The following XRCC4 variants were observed in gnomAD, a reference collection of about 807,000 sequenced individuals.
XRCC4 encodes X-ray repair cross complementing 4.
XRCC4 carries 28 observed loss-of-function variants against 39.1 expected under a neutral mutation model. The observed-to-expected ratio is 0.72, with a 90% CI of 0.53 to 0.98. The LOEUF (loss-of-function observed/expected upper bound fraction) is 0.98, where lower values mean the gene tolerates loss of function less well. Among genes scored for constraint, XRCC4 ranks in the 50% least tolerant of loss-of-function variants. XRCC4 has a pLI of 0.00. For synonymous variants in XRCC4, 123 were observed against 126.4 expected (o/e 0.97, Z 0.18); for missense variants, 350 against 376.4 (o/e 0.93, Z 0.58).
intron 7 of XRCC4, among the ~76,000 whole-genome samples, chr5:83,323,813 A>T (rs1407079100): frequency 6.6e-6 from 1 of 152,086 alleles, no homozygotes; most frequent in Non-Finnish European, 1.5e-5. Flanking sequence ...TCACTATTTG[A>T]GGAAGAGAGA....
At chr5:83,277,499 C>T (rs968790614) in intron 7 of XRCC4, among the ~76,000 whole-genome samples, 7 of 152,308 alleles carry the variant, frequency 4.6e-5, no homozygotes, top group African/African-American at 1.7e-4. Context: ...TTTGTCATTT[C>T]AATCCACTGA....
intron 7 of XRCC4, among the ~76,000 whole-genome samples, chr5:83,283,975 A>G (rs1754642288): frequency 6.8e-6 from 1 of 147,258 alleles, no homozygotes; most frequent in South Asian, 2.3e-4. Flanking sequence ...AGTATGAGGT[A>G]ATGTGTTTCA....
intron 7 of XRCC4, among the ~76,000 whole-genome samples, chr5:83,288,699 C>T (rs1754816467): frequency 6.6e-6 from 1 of 151,750 alleles, no homozygotes; most frequent in South Asian, 2.1e-4. Context: ...CCTCTGGCTT[C>T]TTTCAACATT....
intron 6 of XRCC4, among the ~76,000 whole-genome samples, chr5:83,221,139 T>C (rs1752070174): frequency 6.6e-6 from 1 of 152,184 alleles, no homozygotes; most frequent in Admixed American, 6.5e-5. Context: ...ATTCTAATTC[T>C]CCTACTAACA....
chr5:83,085,312 G>A (rs1316959928), intron 1 of XRCC4, among the ~76,000 whole-genome samples: 1 of 152,044 alleles, frequency 6.6e-6, no homozygotes, highest in Non-Finnish European at 1.5e-5. Flanking sequence ...ATTTACCATA[G>A]AATTTGGAAG....
chr5:83,115,339 A>G (rs1746658899), intron 3 of XRCC4, among the ~76,000 whole-genome samples: 1 of 152,228 alleles, frequency 6.6e-6, no homozygotes, highest in African/African-American at 2.4e-5. Flanking sequence ...AGGCAGGAGA[A>G]TGGCTTGAAC....
At chr5:83,263,207 G>A (rs1398408214) in intron 7 of XRCC4, among the ~76,000 whole-genome samples, 1 of 151,076 alleles carries the variant, frequency 6.6e-6, no homozygotes, top group African/African-American at 2.4e-5. Context: ...GTATTCCATG[G>A]TGTATATGTG....
At chr5:83,331,328 A>G (rs1407981659) in intron 7 of XRCC4, among the ~76,000 whole-genome samples, 2 of 152,110 alleles carry the variant, frequency 1.3e-5, no homozygotes, top group East Asian at 1.9e-4. Flanking sequence ...TCTAAGATTC[A>G]GTGTTATAAA....
intron 3 of XRCC4, among the ~76,000 whole-genome samples, chr5:83,118,263 T>C (rs762545172): frequency 6.6e-5 from 10 of 152,048 alleles, no homozygotes; most frequent in Non-Finnish European, 1.5e-4. Context: ...CTTTATGATA[T>C]TGGAGACACA....
intron 3 of XRCC4, among the ~76,000 whole-genome samples, chr5:83,164,414 T>G (rs1749362296): frequency 6.6e-6 from 1 of 152,160 alleles, no homozygotes; most frequent in Non-Finnish European, 1.5e-5. Context: ...AACAACAAAT[T>G]TAAACATTTA....
intron 7 of XRCC4, among the ~76,000 whole-genome samples, chr5:83,291,391 T>C (rs531309562): frequency 4.0e-5 from 6 of 151,566 alleles, no homozygotes; most frequent in Admixed American, 2.0e-4. Flanking sequence ...CTTTAAAAAA[T>C]TGGTCATTTT....
chr5:83,261,984 TA>T (rs1369146553), intron 7 of XRCC4, among the ~76,000 whole-genome samples: 1 of 152,126 alleles, frequency 6.6e-6, no homozygotes, highest in Non-Finnish European at 1.5e-5. Context: ...TACTTATCTA[TA>T]AAACAAAATC....
chr5:83,286,914 A>G (rs1327761888), intron 7 of XRCC4, among the ~76,000 whole-genome samples: 7 of 152,198 alleles, frequency 4.6e-5, no homozygotes, highest in East Asian at 1.9e-4. Flanking sequence ...AATCTAAACA[A>G]TGTGAACGAG....
intron 6 of XRCC4, among the ~76,000 whole-genome samples, chr5:83,222,040 T>TA (rs1378050745): frequency 6.6e-6 from 1 of 151,928 alleles, no homozygotes; most frequent in Admixed American, 6.6e-5. Context: ...TAATTTTTTT[T>TA]ACCATTATTC....
chr5:83,181,963 A>T (rs1192108685), intron 3 of XRCC4, among the ~76,000 whole-genome samples: 1 of 152,154 alleles, frequency 6.6e-6, no homozygotes, highest in Non-Finnish European at 1.5e-5. Context: ...GGGAGAGCCA[A>T]AACAAGTAGG....
intron 7 of XRCC4, among the ~76,000 whole-genome samples, chr5:83,280,960 T>A (rs1232973010): frequency 1.3e-5 from 2 of 152,180 alleles, no homozygotes. Flanking sequence ...AGTGCAAGGT[T>A]TACCTACGCT....
At chr5:83,275,685 G>A (rs951754750) in intron 7 of XRCC4, among the ~76,000 whole-genome samples, 3 of 152,196 alleles carry the variant, frequency 2.0e-5, no homozygotes, top group Non-Finnish European at 4.4e-5. Flanking sequence ...GAGGTATGGA[G>A]ATAAAGATTG....
chr5:83,106,244 T>C (rs1328121418), intron 2 of XRCC4, among the ~76,000 whole-genome samples: 2 of 151,968 alleles, frequency 1.3e-5, no homozygotes, highest in Non-Finnish European at 2.9e-5. Flanking sequence ...TGTTTTAGGG[T>C]GAAGAGTGTA....
chr5:83,340,759 A>T, intron 7 of XRCC4, among the ~76,000 whole-genome samples: 1 of 152,180 alleles, frequency 6.6e-6, no homozygotes, highest in Non-Finnish European at 1.5e-5. Flanking sequence ...ATAAATTGGC[A>T]TTGTTCTAAG....
Sources: gnomAD v4.1 joint callset for allele counts (sites outside exome capture counted in the v4.1 genomes callset) on GRCh38, gnomAD v4.1.1 for gene constraint, MANE v1.5 for transcripts, NCBI Gene and HGNC (gene_info 2026-07-23, HGNC 2026-07-21) for gene names.